The following MARK3 variants were observed in gnomAD, a reference collection of about 807,000 sequenced individuals.
MARK3 encodes microtubule affinity regulating kinase 3.
Under a neutral mutation model 90.1 loss-of-function variants are expected in MARK3, and 46 were observed. The observed-to-expected ratio is 0.51, with a 90% CI of 0.40 to 0.65. The LOEUF is 0.65. MARK3 is among the 30% of genes least tolerant of loss of function. The pLI is 0.00. For synonymous variants in MARK3, 321 were observed against 332.6 expected (o/e 0.97, Z 0.38); for missense variants, 818 against 947.2 (o/e 0.86, Z 1.79).
intron 2 of MARK3, among the ~76,000 whole-genome samples, chr14:103,426,491 G>A (rs1228600311): frequency 1.3e-5 from 2 of 152,046 alleles, no homozygotes; most frequent in Admixed American, 6.6e-5. Flanking sequence ...TGTCCTGCAG[G>A]ATGCCCAGTA....
chr14:103,483,570 T>C (rs1187603063), intron 14 of MARK3, among the ~76,000 whole-genome samples: 2 of 152,234 alleles, frequency 1.3e-5, no homozygotes, highest in African/African-American at 4.8e-5. Context: ...TGGTTCTTAC[T>C]AGGCCAATCT....
intron 12 of MARK3, among the ~76,000 whole-genome samples, chr14:103,471,560 G>T (rs1383356588): frequency 6.6e-6 from 1 of 152,078 alleles, no homozygotes; most frequent in Non-Finnish European, 1.5e-5. Flanking sequence ...AGCCTGTATA[G>T]CCGGGCTAAC....
chr14:103,473,085 CA>C (rs1271926728), intron 12 of MARK3, among the ~76,000 whole-genome samples: 1 of 151,874 alleles, frequency 6.6e-6, no homozygotes, highest in Non-Finnish European at 1.5e-5. Flanking sequence ...TGAAAGTACA[CA>C]AAAGGTTACA....
intron 1 of MARK3, among the ~76,000 whole-genome samples, chr14:103,397,475 C>T (rs10220595): frequency 0.027 from 4,126 of 151,936 alleles, 205 homozygotes; most frequent in African/African-American, 0.094. Flanking sequence ...TACAGGCACC[C>T]GCCACCATGC....
intron 7 of MARK3, among the ~76,000 whole-genome samples, chr14:103,464,064 A>C (rs552976526): frequency 6.6e-6 from 1 of 152,300 alleles, no homozygotes; most frequent in East Asian, 1.9e-4. Context: ...CTGGGAAGCC[A>C]TTCACACCTT....
chr14:103,465,373 T>C (rs1468553345), intron 7 of MARK3, among the ~76,000 whole-genome samples, 184 bp from the exon 8 acceptor site: 6 of 152,218 alleles, frequency 3.9e-5, no homozygotes. Flanking sequence ...TTTGTTATTG[T>C]TAATATTATA....
At chr14:103,442,912 G>A (rs2092894162) in intron 3 of MARK3, among the ~76,000 whole-genome samples, 1 of 143,878 alleles carries the variant, frequency 7.0e-6, no homozygotes, top group Non-Finnish European at 1.5e-5. Flanking sequence ...GAAAACAGTA[G>A]AAATGGTAAA....
chr14:103,449,060 C>A, intron 4 of MARK3, 93 bp downstream of exon 4: 1 of 1,294,404 alleles, frequency 7.7e-7, no homozygotes, highest in Admixed American at 2.4e-5. Context: ...TGGTAGAGTA[C>A]ACTTCTAGTA....
intron 14 of MARK3, among the ~76,000 whole-genome samples, chr14:103,482,033 T>A (rs2093833969): frequency 6.6e-6 from 1 of 151,578 alleles, no homozygotes; most frequent in East Asian, 2.0e-4. Flanking sequence ...CCCAAAGTGC[T>A]GGGATTACAG....
chr14:103,413,429 C>CTTTTTT (rs33971338), intron 2 of MARK3, among the ~76,000 whole-genome samples: 1 of 131,736 alleles, frequency 7.6e-6, no homozygotes, highest in Non-Finnish European at 1.6e-5. Context: ...TAATAGCATG[C>CTTTTTT]TTTTTTTTTT....
rs1413970224 is a variant in MARK3 at position 103,487,063 on chromosome 14, C to T, written c.1587-4714C>T. 2.0e-5 allele frequency among the ~76,000 whole-genome samples: 3 copies of T among 151,816 alleles called. 1 individual carries two copies. Among genetic ancestry groups the T allele is most frequent in the Middle Eastern group, 6.8e-3 (2 of 294 alleles). On this transcript the variant is annotated intron_variant, in intron 14 of 17. Coordinates refer to ENST00000429436, the MANE Select transcript of MARK3 (RefSeq NM_001128918.3). ...TCCTGAGTAGCTAGGATTACAGGGG[C>T]CCGCCACCACACCCAACTAATTTTT... is the stretch of plus-strand genomic sequence containing the variant.
At chr14:103,488,094 C>T (rs987041101) in intron 14 of MARK3, among the ~76,000 whole-genome samples, 5 of 152,076 alleles carry the variant, frequency 3.3e-5, no homozygotes, top group African/African-American at 1.2e-4. Flanking sequence ...GTACGTGTGT[C>T]TGTACACATG....
At position 103,473,074 on chromosome 14, in the gene MARK3, A is replaced by T. The variant is rs12434605; in HGVS notation, c.1265-1919A>T. Among the ~76,000 whole-genome samples, 371 of 152,268 alleles carry T rather than the reference A, an allele frequency of 2.4e-3. 3 individuals carry two copies. Among genetic ancestry groups the T allele is most frequent in the African/African-American group, 8.1e-3 (336 of 41,568 alleles). ...ATGGATCTCAAGGGAATTATACTGC[A>T]TGAAAGTACACAAAAGGTTACATTC... is the stretch of plus-strand genomic sequence containing the variant. On this transcript the variant is annotated intron_variant, in intron 12 of 17. Transcript: ENST00000429436.
chr14:103,476,002 C>G (rs914226493), intron 13 of MARK3, among the ~76,000 whole-genome samples: 11 of 151,394 alleles, frequency 7.3e-5, no homozygotes, highest in Admixed American at 4.6e-4. Flanking sequence ...GGCCTAAACA[C>G]CTAAAAGACT....
intron 2 of MARK3, among the ~76,000 whole-genome samples, chr14:103,427,187 A>G (rs564303056): frequency 6.7e-6 from 1 of 150,044 alleles, no homozygotes; most frequent in South Asian, 2.1e-4. Flanking sequence ...CTTTTAAGTG[A>G]AAACAAGTTT....
chr14:103,452,417 T>G (rs2093168126), intron 5 of MARK3, among the ~76,000 whole-genome samples: 1 of 151,320 alleles, frequency 6.6e-6, no homozygotes, highest in Non-Finnish European at 1.5e-5. Flanking sequence ...TTTCTGTCTC[T>G]ATGAATTTGA....
At chr14:103,446,710 CTTTTTTTT>C (rs746523547) in intron 3 of MARK3, among the ~76,000 whole-genome samples, 36 of 98,042 alleles carry the variant, frequency 3.7e-4, no homozygotes, top group Middle Eastern at 5.4e-3. Flanking sequence ...AGATTGTTGT[CTTTTTTTT>C]TTTTTTTTTT....
rs866044361 is a variant in MARK3 at position 103,468,883 on chromosome 14, C to T, written c.1264+697C>T. On this transcript the variant is annotated intron_variant, in intron 12 of 17. Transcript: ENST00000429436. ...AGTTCAAACTATTCTCTCACCACAGCGTTCTAAAGTGCTAGGATTACAGAC... is the reference window on the plus strand; with the variant it reads ...AGTTCAAACTATTCTCTCACCACAGTGTTCTAAAGTGCTAGGATTACAGAC... Among the ~76,000 whole-genome samples, 12 of 151,702 alleles carry T rather than the reference C, an allele frequency of 7.9e-5. 1 individual carries two copies. Among genetic ancestry groups the T allele is most frequent in the South Asian group, 6.2e-4 (3 of 4,812 alleles).
At chr14:103,423,874 G>C (rs2092311223) in intron 2 of MARK3, among the ~76,000 whole-genome samples, 1 of 152,186 alleles carries the variant, frequency 6.6e-6, no homozygotes, top group Non-Finnish European at 1.5e-5. Context: ...TTGCTTCAGA[G>C]GCTATTGAAT....
Sources: gnomAD v4.1 joint callset for allele counts (sites outside exome capture counted in the v4.1 genomes callset) on GRCh38, gnomAD v4.1.1 for gene constraint, MANE v1.5 for transcripts, NCBI Gene and HGNC (gene_info 2026-07-23, HGNC 2026-07-21) for gene names.